The following ATP8A2 variants were observed in gnomAD, a reference collection of about 807,000 sequenced individuals.
ATP8A2 encodes ATPase phospholipid transporting 8A2, also known as phospholipid-transporting ATPase IB.
A neutral mutation model predicts 165.6 loss-of-function variants in ATP8A2; 100 were observed. That is an observed-to-expected ratio of 0.60 (90% CI 0.51 to 0.71). The LOEUF (loss-of-function observed/expected upper bound fraction) is 0.71. Among genes scored for constraint, ATP8A2 ranks in the 30% least tolerant of loss-of-function variants. ATP8A2 has a pLI of 0.00. For synonymous variants in ATP8A2, 543 were observed against 548.8 expected, an observed-to-expected ratio of 0.99 and a Z score of 0.15; for missense variants, 1,227 against 1,479.5, an observed-to-expected ratio of 0.83 and a Z score of 2.80.
At chr13:25,973,501 T>G (rs369192379) in intron 35 of ATP8A2, among the ~76,000 whole-genome samples, 34 of 152,198 alleles carry the variant, frequency 2.2e-4, no homozygotes, top group African/African-American at 8.2e-4. Flanking sequence ...AGCAGCAAGA[T>G]TTCAGACAAA....
intron 24 of ATP8A2, among the ~76,000 whole-genome samples, chr13:25,647,643 C>A (rs2041706897): frequency 6.6e-6 from 1 of 151,964 alleles, no homozygotes; most frequent in Admixed American, 6.6e-5. Flanking sequence ...ACTTTCCCCC[C>A]AGTAAGAAAA....
chr13:25,686,794 C>T (rs1371188005), intron 24 of ATP8A2, among the ~76,000 whole-genome samples: 1 of 152,038 alleles, frequency 6.6e-6, no homozygotes, highest in Admixed American at 6.5e-5. Context: ...TTGACTGCGG[C>T]TCTGAATGCC....
intron 25 of ATP8A2, among the ~76,000 whole-genome samples, chr13:25,742,300 G>A (rs1305874054): frequency 6.6e-6 from 1 of 151,904 alleles, no homozygotes; most frequent in African/African-American, 2.4e-5. Flanking sequence ...CAAAAACATC[G>A]TTATGGGGCA....
intron 33 of ATP8A2, among the ~76,000 whole-genome samples, chr13:25,866,962 A>G (rs137929683): frequency 6.6e-6 from 1 of 152,294 alleles, no homozygotes; most frequent in East Asian, 1.9e-4. Context: ...ACCACGAGAC[A>G]TGAAATCGTT....
At chr13:25,858,467 G>A (rs1452430294) in intron 30 of ATP8A2, among the ~76,000 whole-genome samples, 1 of 152,112 alleles carries the variant, frequency 6.6e-6, no homozygotes, top group Non-Finnish European at 1.5e-5. Flanking sequence ...AGTGCAGCCC[G>A]TGATGTTGCT....
chr13:25,693,428 G>C (rs1290375623), intron 24 of ATP8A2, among the ~76,000 whole-genome samples: 1 of 152,182 alleles, frequency 6.6e-6, no homozygotes, highest in East Asian at 1.9e-4. Context: ...AGAGGCTGGA[G>C]ACACGTCAAG....
intron 1 of ATP8A2, among the ~76,000 whole-genome samples, chr13:25,378,818 G>T (rs1455336290): frequency 6.6e-6 from 1 of 152,230 alleles, no homozygotes; most frequent in Non-Finnish European, 1.5e-5. Context: ...GGCAGGCAGT[G>T]CTGTTGGGAA....
rs561952477 is a variant in ATP8A2, at chr13:25,910,046, G to T, written c.3183+47638G>T. ...TTGCCTGTCCCGTCATCTGCTGCGG[G>T]ATGGTGGTAGTGTTCGCGCCTGTGG... On this transcript the variant is annotated intron_variant, in intron 33 of 36. Transcript: ENST00000381655. Among the ~76,000 whole-genome samples the T allele has an allele frequency of 6.4e-4, 98 of 152,300 alleles. 1 individual carries two copies. The highest frequency in any genetic ancestry group is 2.3e-3 in the African/African-American group (96 of 41,556).
At chr13:25,854,727 G>T (rs1353435080) in intron 30 of ATP8A2, among the ~76,000 whole-genome samples, 1 of 152,176 alleles carries the variant, frequency 6.6e-6, no homozygotes, top group East Asian at 1.9e-4. Context: ...TTCTGTATCT[G>T]TACTGCCCAA....
chr13:25,600,537 C>T (rs1050469262), intron 24 of ATP8A2, among the ~76,000 whole-genome samples: 2 of 152,150 alleles, frequency 1.3e-5, no homozygotes, highest in East Asian at 1.9e-4. Flanking sequence ...CAGAAGCCAG[C>T]GAGCCCTAGA....
At chr13:25,671,807 G>A (rs140709543) in intron 24 of ATP8A2, among the ~76,000 whole-genome samples, 2,326 of 152,262 alleles carry the variant, frequency 0.015, 59 homozygotes, top group African/African-American at 0.052. Context: ...CACTTGCCTT[G>A]TGATAGTCTA....
intron 2 of ATP8A2, among the ~76,000 whole-genome samples, chr13:25,521,798 C>T (rs932811464): frequency 6.6e-6 from 1 of 152,088 alleles, no homozygotes; most frequent in Non-Finnish European, 1.5e-5. Context: ...CTTGGCCTCC[C>T]AATGGCTTCT....
At chr13:25,617,376 G>T (rs988389428) in intron 24 of ATP8A2, among the ~76,000 whole-genome samples, 3 of 152,192 alleles carry the variant, frequency 2.0e-5, no homozygotes, top group Non-Finnish European at 4.4e-5. Flanking sequence ...GTTTTAGGGG[G>T]TGATTATTTT....
chr13:25,436,396 A>T (rs1454172889), intron 1 of ATP8A2, among the ~76,000 whole-genome samples: 1 of 152,176 alleles, frequency 6.6e-6, no homozygotes, highest in African/African-American at 2.4e-5. Context: ...TTCACTTCAG[A>T]TAAGGGCCTC....
intron 24 of ATP8A2, among the ~76,000 whole-genome samples, chr13:25,597,246 A>G (rs991800865): frequency 2.6e-5 from 4 of 152,172 alleles, no homozygotes; most frequent in African/African-American, 9.7e-5. Flanking sequence ...TGTTAGGGAA[A>G]ATAGACCCTA....
At chr13:25,511,568 AG>A (rs1389898785) in intron 2 of ATP8A2, among the ~76,000 whole-genome samples, 1 of 152,188 alleles carries the variant, frequency 6.6e-6, no homozygotes, top group East Asian at 1.9e-4. Context: ...TTATGTGAAA[AG>A]TAGATGTGAG....
intron 24 of ATP8A2, among the ~76,000 whole-genome samples, chr13:25,590,950 C>T (rs1365564860): frequency 6.6e-6 from 1 of 152,018 alleles, no homozygotes; most frequent in East Asian, 1.9e-4. Context: ...CATCTCGGTA[C>T]ACCTCCTATC....
intron 24 of ATP8A2, among the ~76,000 whole-genome samples, chr13:25,688,428 C>T (rs1398787773): frequency 1.3e-5 from 2 of 152,196 alleles, no homozygotes; most frequent in South Asian, 2.1e-4. Context: ...AGACTTCTTC[C>T]TCACTGTATC....
intron 26 of ATP8A2, among the ~76,000 whole-genome samples, chr13:25,774,078 T>C (rs1016343359): frequency 6.6e-6 from 1 of 152,238 alleles, no homozygotes; most frequent in African/African-American, 2.4e-5. Flanking sequence ...GTACTTTTCT[T>C]TCAGTTTAGT....
Sources: allele counts gnomAD v4.1 joint callset (sites outside exome capture counted in the v4.1 genomes callset), GRCh38; gene constraint gnomAD v4.1.1; transcripts MANE v1.5; gene names NCBI Gene and HGNC (gene_info 2026-07-23, HGNC 2026-07-21).